IL1RAPL2: variants seen among roughly 807,000 people sequenced by gnomAD.
IL1RAPL2 encodes the protein interleukin 1 receptor accessory protein like 2.
IL1RAPL2 carries 3 observed loss-of-function variants against 44.1 expected under a neutral mutation model. The ratio of observed to expected loss-of-function variants is 0.07; its 90% CI spans 0.03 to 0.18. IL1RAPL2 has a LOEUF of 0.18. Among genes scored for constraint, IL1RAPL2 ranks in the 10% least tolerant of loss-of-function variants. The pLI, the probability that IL1RAPL2 is intolerant of heterozygous loss-of-function variation, is 1.00. For missense variants in IL1RAPL2, 391 were observed against 496.4 expected (o/e 0.79, Z 2.02); for synonymous variants, 181 against 178.8 (o/e 1.01, Z -0.10).
intron 5 of IL1RAPL2, among the ~76,000 whole-genome samples, chrX:105,345,101 C>T (rs1002547578): frequency 1.2e-4 from 13 of 111,148 alleles, no homozygotes; most frequent in African/African-American, 3.9e-4. Flanking sequence ...AAATGAGAAC[C>T]GAGTTTCATT....
At chrX:105,387,385 C>A (rs2035485055) in intron 5 of IL1RAPL2, among the ~76,000 whole-genome samples, 2 of 109,659 alleles carry the variant, frequency 1.8e-5, no homozygotes, top group Non-Finnish European at 3.8e-5. Context: ...CAGGTGCACA[C>A]CACCACGCCC....
Position 105,734,399 on chromosome X carries a change from T to C in IL1RAPL2, c.903-6147T>C, listed in dbSNP as rs375650186. Among the ~76,000 whole-genome samples, 4 of 110,176 alleles carry C rather than the reference T, an allele frequency of 3.6e-5. No homozygotes were observed. The East Asian group carries it at 8.7e-4, about 24-fold the overall frequency. ...GTGGTTTCCCTTGAGAGCAAGCTTT[T>C]AAAAAAAGAAAAGAAAAGAAACAGG... On this transcript the variant is annotated intron_variant, in intron 7 of 10. Coordinates refer to ENST00000372582, the MANE Select transcript of IL1RAPL2 (RefSeq NM_017416.2).
chrX:105,125,852 A>G (rs1483066277), intron 2 of IL1RAPL2, among the ~76,000 whole-genome samples: 1 of 110,721 alleles, frequency 9.0e-6, no homozygotes, highest in East Asian at 2.8e-4. Flanking sequence ...CCCCCCGTGT[A>G]TACTGAGGGA....
chrX:105,078,562 T>A (rs2032348545), intron 2 of IL1RAPL2, among the ~76,000 whole-genome samples: 1 of 112,404 alleles, frequency 8.9e-6, no homozygotes, highest in Non-Finnish European at 1.9e-5. Context: ...TTCAAAGCTG[T>A]CAGACAGGGA....
At chrX:105,640,076 TTTA>T (rs1487322876) in intron 6 of IL1RAPL2, among the ~76,000 whole-genome samples, 1 of 111,330 alleles carries the variant, frequency 9.0e-6, no homozygotes, top group African/African-American at 3.3e-5. Flanking sequence ...TATCTATCTA[TTTA>T]TTATTTTTTC....
intron 2 of IL1RAPL2, among the ~76,000 whole-genome samples, chrX:105,022,585 A>AT (rs1471298031): frequency 3.6e-5 from 4 of 110,784 alleles, no homozygotes; most frequent in African/African-American, 6.6e-5. Flanking sequence ...CAGCTCTGTG[A>AT]TTTTTCATGG....
chrX:105,242,552 A>G (rs1357474824), intron 4 of IL1RAPL2, among the ~76,000 whole-genome samples: 1 of 111,799 alleles, frequency 8.9e-6, no homozygotes, highest in African/African-American at 3.3e-5. Flanking sequence ...GAACTAAGCA[A>G]TTGTTGACTA....
intron 2 of IL1RAPL2, among the ~76,000 whole-genome samples, chrX:104,898,311 C>G (rs916837197): frequency 1.8e-5 from 2 of 111,778 alleles, no homozygotes; most frequent in Non-Finnish European, 3.8e-5. Context: ...TTTGGGGACA[C>G]TGGTGTTGAT....
intron 2 of IL1RAPL2, among the ~76,000 whole-genome samples, chrX:104,821,324 C>A (rs185644196): frequency 4.5e-5 from 5 of 110,451 alleles, no homozygotes; most frequent in African/African-American, 1.7e-4. Flanking sequence ...TATACGTGTG[C>A]CATGGTGGTT....
chrX:104,908,160 A>G (rs892828411), intron 2 of IL1RAPL2, among the ~76,000 whole-genome samples: 102 of 110,750 alleles, frequency 9.2e-4, no homozygotes, highest in Non-Finnish European at 1.4e-3. Context: ...TGCTTGGTAG[A>G]TTTTCCTCCA....
intron 2 of IL1RAPL2, among the ~76,000 whole-genome samples, chrX:104,875,261 G>A (rs1922872110): frequency 9.0e-6 from 1 of 111,044 alleles, no homozygotes; most frequent in South Asian, 3.8e-4. Flanking sequence ...CAATCCTATG[G>A]TCTTCAGTAT....
intron 5 of IL1RAPL2, among the ~76,000 whole-genome samples, chrX:105,447,120 A>AAT (rs2035964744): frequency 2.1e-5 from 1 of 48,554 alleles, no homozygotes; most frequent in African/African-American, 7.7e-5. Context: ...AATATATATA[A>AAT]ATATAAATAT....
chrX:105,095,865 C>G (rs1398395868), intron 2 of IL1RAPL2, among the ~76,000 whole-genome samples: 1 of 111,683 alleles, frequency 9.0e-6, no homozygotes, highest in East Asian at 2.8e-4. Flanking sequence ...AATTAACAAC[C>G]TTTATGCATC....
At chrX:104,631,093 G>T (rs902451186) in intron 1 of IL1RAPL2, among the ~76,000 whole-genome samples, 9 of 110,882 alleles carry the variant, frequency 8.1e-5, no homozygotes, top group African/African-American at 3.0e-4. Context: ...GCGGTGTTTG[G>T]TTTTTTGTCC....
rs185459423 is a variant in IL1RAPL2, at chrX:104,724,575, A to T, written c.82+65580A>T. Among the ~76,000 whole-genome samples, 28 of 111,612 alleles carry T rather than the reference A, an allele frequency of 2.5e-4. No homozygotes were observed. In the East Asian group the frequency reaches 8.0e-3, roughly 32 times the overall value. On this transcript the variant is annotated intron_variant, in intron 2 of 10. Transcript: ENST00000372582. The stretch of plus-strand genomic sequence containing the variant: ...TTAAGAAACTCAGCAAACATCAAGC[A>T]TATTACGTAAACAAAAGGAATCCAC...
chrX:105,689,311 G>A (rs2038014745), intron 6 of IL1RAPL2, among the ~76,000 whole-genome samples: 1 of 111,784 alleles, frequency 8.9e-6, no homozygotes. Flanking sequence ...GAAAATTTTT[G>A]CAATCTACCC....
At chrX:105,035,271 C>G (rs1236417793) in intron 2 of IL1RAPL2, among the ~76,000 whole-genome samples, 1 of 111,768 alleles carries the variant, frequency 8.9e-6, no homozygotes, top group Admixed American at 9.5e-5. Flanking sequence ...TTCTGGCACT[C>G]CCTAGTGAGA....
intron 2 of IL1RAPL2, among the ~76,000 whole-genome samples, chrX:105,161,249 G>A (rs1033621340): frequency 5.7e-5 from 5 of 87,921 alleles, no homozygotes; most frequent in East Asian, 3.6e-4. Context: ...TAATAATTGC[G>A]TGTGCTTAAA....
chrX:104,730,756 T>C (rs1245386198), intron 2 of IL1RAPL2, among the ~76,000 whole-genome samples: 2 of 109,314 alleles, frequency 1.8e-5, no homozygotes, highest in South Asian at 4.0e-4. Flanking sequence ...GATGGCTGGG[T>C]CAAATGGAAT....
Sources: allele counts gnomAD v4.1 joint callset (sites outside exome capture counted in the v4.1 genomes callset), GRCh38; gene constraint gnomAD v4.1.1; transcripts MANE v1.5; gene names NCBI Gene and HGNC (gene_info 2026-07-23, HGNC 2026-07-21).